ELAVL2: variants seen among roughly 807,000 people sequenced by gnomAD.
ELAVL2 encodes the protein ELAV like RNA binding protein 2.
Under a neutral mutation model 34.6 loss-of-function variants are expected in ELAVL2, and 4 were observed. The ratio of observed to expected loss-of-function variants is 0.12; its 90% CI spans 0.06 to 0.26. ELAVL2 has a LOEUF of 0.26. ELAVL2 is among the 10% of genes least tolerant of loss of function. ELAVL2 has a pLI of 1.00. For missense variants in ELAVL2, 432 were observed against 442.8 expected (o/e 0.98, Z 0.22); for synonymous variants, 193 against 154.8 (o/e 1.25, Z -1.83).
intron 2 of ELAVL2, among the ~76,000 whole-genome samples, chr9:23,754,165 G>A (rs944017583): frequency 1.3e-5 from 2 of 151,608 alleles, no homozygotes; most frequent in Admixed American, 6.6e-5. Flanking sequence ...TTATTCTAAC[G>A]GAACAAAATA....
intron 1 of ELAVL2, among the ~76,000 whole-genome samples, chr9:23,804,973 A>C (rs2137817597): frequency 6.6e-6 from 1 of 152,338 alleles, no homozygotes; most frequent in Middle Eastern, 3.4e-3. Context: ...AATGTACATT[A>C]AATATGAAGA....
At chr9:23,757,596 G>T (rs1028425600) in intron 2 of ELAVL2, among the ~76,000 whole-genome samples, 1 of 151,590 alleles carries the variant, frequency 6.6e-6, no homozygotes, top group Non-Finnish European at 1.5e-5. Context: ...ATCAGCAGGT[G>T]TCAAGGACTC....
At chr9:23,803,118 A>G (rs945832643) in intron 1 of ELAVL2, among the ~76,000 whole-genome samples, 3 of 152,144 alleles carry the variant, frequency 2.0e-5, no homozygotes, top group African/African-American at 7.2e-5. Flanking sequence ...AACAGCTTCC[A>G]ACTACTCTCC....
chr9:23,817,607 C>T (rs1340390009), intron 1 of ELAVL2, among the ~76,000 whole-genome samples: 1 of 152,146 alleles, frequency 6.6e-6, no homozygotes, highest in Non-Finnish European at 1.5e-5. Context: ...TTTAGCACAG[C>T]GTTGCTCACA....
At chr9:23,803,066 C>T (rs528582141) in intron 1 of ELAVL2, among the ~76,000 whole-genome samples, 1 of 152,212 alleles carries the variant, frequency 6.6e-6, no homozygotes. Flanking sequence ...CATAAGCATG[C>T]CTTTATGGTG....
intron 3 of ELAVL2, among the ~76,000 whole-genome samples, chr9:23,707,622 A>AT (rs2039748760): frequency 6.6e-6 from 1 of 152,222 alleles, no homozygotes; most frequent in African/African-American, 2.4e-5. Context: ...GGTAACAGCT[A>AT]ATCGGTGTGC....
chr9:23,694,628 C>G (rs1035154477), intron 5 of ELAVL2, among the ~76,000 whole-genome samples: 3 of 152,200 alleles, frequency 2.0e-5, no homozygotes, highest in Non-Finnish European at 2.9e-5. Flanking sequence ...CCTGTGGCAT[C>G]AAGTCACGCT....
intron 3 of ELAVL2, among the ~76,000 whole-genome samples, chr9:23,725,186 C>T (rs1034216629): frequency 6.6e-6 from 1 of 152,156 alleles, no homozygotes; most frequent in Non-Finnish European, 1.5e-5. Flanking sequence ...CCCAACACTA[C>T]TCTGCTCAAA....
At chr9:23,850,239 C>A in the ELAVL2 span, among the ~76,000 whole-genome samples, 3 of 150,238 alleles carry the variant, frequency 2.0e-5, no homozygotes, top group East Asian at 2.0e-4. Context: ...ACCACCACCC[C>A]CCCCGCCCCC....
intron 1 of ELAVL2, among the ~76,000 whole-genome samples, chr9:23,768,976 T>C (rs2056829565): frequency 6.6e-6 from 1 of 152,130 alleles, no homozygotes; most frequent in South Asian, 2.1e-4. Context: ...GACAAGCTTA[T>C]CTCTCAGGCT....
intron 3 of ELAVL2, among the ~76,000 whole-genome samples, chr9:23,713,559 T>C (rs1564020193): frequency 6.6e-6 from 1 of 152,168 alleles, no homozygotes; most frequent in African/African-American, 2.4e-5. Flanking sequence ...AGTCTATTCC[T>C]ACCGGTAGCT....
intron 2 of ELAVL2, among the ~76,000 whole-genome samples, chr9:23,746,501 T>C (rs2050520307): frequency 6.6e-6 from 1 of 152,074 alleles, no homozygotes; most frequent in Non-Finnish European, 1.5e-5. Flanking sequence ...TAGTAGGAAG[T>C]AAAACTACCC....
intron 3 of ELAVL2, among the ~76,000 whole-genome samples, chr9:23,720,853 T>G (rs963077809): frequency 6.6e-6 from 1 of 152,206 alleles, no homozygotes; most frequent in Admixed American, 6.5e-5. Flanking sequence ...GTGGTGGCTG[T>G]TGAAATACAA....
At chr9:23,747,635 CCT>C (rs2050827536) in intron 2 of ELAVL2, among the ~76,000 whole-genome samples, 2 of 152,122 alleles carry the variant, frequency 1.3e-5, no homozygotes, top group Non-Finnish European at 2.9e-5. Flanking sequence ...TTGGAAACTC[CCT>C]ACAAACATGA....
At chr9:23,772,878 A>T (rs1444653134) in intron 1 of ELAVL2, among the ~76,000 whole-genome samples, 1 of 152,164 alleles carries the variant, frequency 6.6e-6, no homozygotes, top group Non-Finnish European at 1.5e-5. Context: ...AATTTGAGGC[A>T]TCTTAAAAAA....
At chr9:23,824,926 T>C (rs924168652) in intron 1 of ELAVL2, among the ~76,000 whole-genome samples, 1 of 151,878 alleles carries the variant, frequency 6.6e-6, no homozygotes, top group Non-Finnish European at 1.5e-5. Context: ...GCAGAGGGGT[T>C]CCCCCTCTCC....
At chr9:23,719,959 G>C (rs1261746428) in intron 3 of ELAVL2, among the ~76,000 whole-genome samples, 1 of 151,328 alleles carries the variant, frequency 6.6e-6, no homozygotes, top group Non-Finnish European at 1.5e-5. Flanking sequence ...CCCAGTAGCT[G>C]GGTTTACAGG....
chr9:23,826,939 T>A (rs1271318029), upstream of ELAVL2, among the ~76,000 whole-genome samples: 1 of 152,232 alleles, frequency 6.6e-6, no homozygotes, highest in Non-Finnish European at 1.5e-5. Flanking sequence ...AACCCCTTTT[T>A]AAAGCATCCT....
rs1038680870 is a variant in ELAVL2 at position 23,820,867 on chromosome 9, C to T, written c.-16+4939G>A. Among the ~76,000 whole-genome samples, 3 of 152,250 alleles carry T rather than the reference C, an allele frequency of 2.0e-5. 1 individual carries two copies. The highest frequency in any genetic ancestry group is 4.4e-5 in the Non-Finnish European group (3 of 68,044). ...GAGCGCCCGCGCTTCCCGCGCAGCG[C>T]ACGCCTCGCGCGCAAACCCGAGATG... is the stretch of plus-strand genomic sequence containing the variant. On this transcript the variant is annotated intron_variant, in intron 1 of 6. Transcript: ENST00000397312.
Sources: gnomAD v4.1 joint callset for allele counts (sites outside exome capture counted in the v4.1 genomes callset) on GRCh38, gnomAD v4.1.1 for gene constraint, MANE v1.5 for transcripts, NCBI Gene and HGNC (gene_info 2026-07-23, HGNC 2026-07-21) for gene names.